VWF: variants seen among roughly 807,000 people sequenced by gnomAD.
VWF encodes von Willebrand factor, also known as Factor VIII related antigen.
A neutral mutation model predicts 308.6 loss-of-function variants in VWF; 176 were observed. The ratio of observed to expected loss-of-function variants is 0.57; its 90% confidence interval spans 0.50 to 0.65. VWF has a LOEUF of 0.65. Ranked by LOEUF, VWF falls within the 30% of genes least tolerant of loss-of-function variation. VWF has a pLI of 0.00. For missense variants in VWF, 3,146 were observed against 3,648.2 expected, an observed-to-expected ratio of 0.86 and a Z score of 3.55; for synonymous variants, 1,385 against 1,443.4, an observed-to-expected ratio of 0.96 and a Z score of 0.92.
At chr12:6,072,573 A>G in intron 8 of VWF, 131 bp from the exon 9 acceptor site, 1 of 749,672 alleles carries the variant, frequency 1.3e-6, no homozygotes, top group Non-Finnish European at 2.3e-6. Context: ...TGTGGTGTTT[A>G]TCTTTCACAT....
At chr12:6,088,431 A>G (rs1186433016) in intron 6 of VWF, among the ~76,000 whole-genome samples, 1 of 149,588 alleles carries the variant, frequency 6.7e-6, no homozygotes, top group African/African-American at 2.5e-5. Flanking sequence ...GTGAGCCAAG[A>G]TCGCACTACT....
rs753730726 is a variant in VWF, at chr12:5,983,147, T to C, written c.7081+3A>G. The C allele has an allele frequency of 5.6e-6, 9 of 1,613,060 alleles. No individual in the cohort carries two copies. Among genetic ancestry groups the C allele is most frequent in the African/African-American group, 1.3e-5 (1 of 74,878 alleles). Reference sequence around the variant, plus strand: ...CACCCCTCCTCATCCACAGAGGCCTTACCGCAGGTGAAGTTGGGTCTGCAC... The same window carrying C: ...CACCCCTCCTCATCCACAGAGGCCTCACCGCAGGTGAAGTTGGGTCTGCAC... On this transcript the variant is annotated splice_donor_region_variant and intron_variant, in intron 41 of 51. Coordinates refer to ENST00000261405, the MANE Select transcript of VWF (RefSeq NM_000552.5).
At chr12:6,080,758 A>C (rs7969518) in intron 6 of VWF, among the ~76,000 whole-genome samples, 14 of 151,972 alleles carry the variant, frequency 9.2e-5, no homozygotes, top group Non-Finnish European at 1.5e-4. Context: ...TCCAAACCCA[A>C]CCAAGCTCTC....
intron 3 of VWF, among the ~76,000 whole-genome samples, chr12:6,119,917 G>T (rs1945412224): frequency 6.6e-6 from 1 of 152,200 alleles, no homozygotes; most frequent in Non-Finnish European, 1.5e-5. Context: ...AGGAAACACA[G>T]ATGAGTGAGA....
chr12:5,965,758 G>A (rs1054724237), intron 47 of VWF, among the ~76,000 whole-genome samples: 1 of 152,170 alleles, frequency 6.6e-6, no homozygotes, highest in Non-Finnish European at 1.5e-5. Flanking sequence ...GAGACCCTTC[G>A]TGGCAGAAGA....
At chr12:6,016,379 G>A (rs773003346) in intron 30 of VWF, 137 bp downstream of exon 30, 392 of 1,421,720 alleles carry the variant, frequency 2.8e-4, no homozygotes, top group Non-Finnish European at 3.4e-4. Context: ...ACGTGGAAGA[G>A]CATCTAGCCC....
chr12:6,057,833 C>T lies in VWF; in HGVS notation c.1729+16G>A, dbSNP rs1170089226. ...AGATTCTGCGAGGTCCCTGCCTTGC[C>T]CCCGGGTTCACATACTCATGCGCGG... On this transcript the variant is annotated intron_variant, in intron 14 of 51. Coordinates refer to ENST00000261405, the MANE Select transcript of VWF (RefSeq NM_000552.5). 2.8e-5 allele frequency: 44 copies of T among 1,595,542 alleles called. No individual in the cohort carries two copies. The highest frequency in any genetic ancestry group is 3.8e-5 in the Non-Finnish European group (44 of 1,170,710).
Position 6,015,815 on chromosome 12 carries a change from A to T in VWF, c.5455+274T>A, listed in dbSNP as rs1420834667. 5.3e-5 allele frequency among the ~76,000 whole-genome samples: 8 copies of T among 152,242 alleles called. No individual in the cohort carries two copies. In the East Asian group the frequency reaches 1.3e-3, roughly 26 times the overall value. On this transcript the variant is annotated intron_variant, in intron 31 of 51. Coordinates refer to ENST00000261405, the MANE Select transcript of VWF (RefSeq NM_000552.5). ...CTTTAGAAAGAAAGGGCATAGAGGTATGATCACTCCTGGACACAAAGGGAA... is the reference window on the plus strand; with the variant it reads ...CTTTAGAAAGAAAGGGCATAGAGGTTTGATCACTCCTGGACACAAAGGGAA...
intron 15 of VWF, among the ~76,000 whole-genome samples, chr12:6,055,458 C>A (rs907574572): frequency 1.3e-5 from 2 of 152,156 alleles, no homozygotes; most frequent in African/African-American, 4.8e-5. Flanking sequence ...AGTAAGGACC[C>A]AGACCCAGTT....
chr12:6,089,748 A>G (rs774738274), intron 6 of VWF, among the ~76,000 whole-genome samples: 14 of 152,128 alleles, frequency 9.2e-5, no homozygotes, highest in African/African-American at 3.4e-4. Context: ...AAATAAAATG[A>G]GACCAAAAAT....
chr12:6,121,362 G>A, intron 2 of VWF, 24 bp from the exon 3 acceptor site: 1 of 1,612,476 alleles, frequency 6.2e-7, no homozygotes, highest in Non-Finnish European at 8.5e-7. Context: ...CCACAGGTTG[G>A]GCTGGTGATC....
At chr12:6,012,682 C>CGT (rs139765093) in intron 32 of VWF, among the ~76,000 whole-genome samples, 4,672 of 143,628 alleles carry the variant, frequency 0.033, 94 homozygotes, top group Non-Finnish European at 0.038. Flanking sequence ...ACAAAAAAAG[C>CGT]GTGTGTGTGT....
At chr12:6,111,038 C>A in intron 3 of VWF, 70 bp from the exon 4 acceptor site, 1 of 1,392,102 alleles carries the variant, frequency 7.2e-7, no homozygotes. Context: ...GATTAAGAAT[C>A]ATTATCTACG....
At chr12:6,002,064 T>C (rs1943878189) in intron 34 of VWF, among the ~76,000 whole-genome samples, 1 of 152,048 alleles carries the variant, frequency 6.6e-6, no homozygotes, top group Admixed American at 6.5e-5. Context: ...ATCAGACTCA[T>C]TGGGATACAT....
At chr12:5,951,756 G>T in intron 50 of VWF, 88 bp downstream of exon 50, 1 of 1,393,644 alleles carries the variant, frequency 7.2e-7, no homozygotes, top group Non-Finnish European at 1.0e-6. Context: ...CATGCGGCTT[G>T]CTAATGGGTT....
intron 17 of VWF, among the ~76,000 whole-genome samples, chr12:6,045,692 C>G (rs1944440112): frequency 1.3e-5 from 2 of 152,204 alleles, no homozygotes; most frequent in South Asian, 4.1e-4. Context: ...GAAGCAAACA[C>G]CATGGCACAG....
chr12:6,052,652 G>T lies in VWF; in HGVS notation c.2077C>A (p.Leu693Ile). 2 of 1,614,246 alleles carry T rather than the reference G, an allele frequency of 1.2e-6. No homozygotes were observed. The highest frequency in any genetic ancestry group is 1.7e-6 in the Non-Finnish European group (2 of 1,180,046). Residue 693 changes from leucine (L) to isoleucine (I), a missense_variant, in exon 16 of 52, where the codon CTC becomes ATC. This residue lies in a region of VWF where 1,304 missense variants were observed against 1,353.0 expected (regional missense o/e 0.96). Coordinates refer to ENST00000261405, the MANE Select transcript of VWF (RefSeq NM_000552.5). The part of the protein sequence containing the change: ...CLEGCFCPPG[L>I]YMDERGDCVP... ...CAGTCCCCCCTCTCATCCATGTAGA[G>T]CCCTGGGGGGCAGAAGCAGCCCTCC...
intron 16 of VWF, among the ~76,000 whole-genome samples, chr12:6,049,267 T>C (rs1482392485): frequency 1.6e-4 from 24 of 152,242 alleles, no homozygotes; most frequent in Admixed American, 1.4e-3. Flanking sequence ...ATTTTCTAAA[T>C]GAAGTGGAAA....
intron 16 of VWF, among the ~76,000 whole-genome samples, chr12:6,049,349 C>T (rs949152432): frequency 1.3e-5 from 2 of 152,146 alleles, no homozygotes; most frequent in African/African-American, 4.8e-5. Flanking sequence ...ATGGAGAGGT[C>T]GCTGATGTCA....
Sources: gnomAD v4.1 joint callset for allele counts (sites outside exome capture counted in the v4.1 genomes callset) on GRCh38, gnomAD v4.1.1 for gene constraint, gnomAD v4.1.1 regional missense constraint, MANE v1.5 for transcripts, NCBI Gene and HGNC (gene_info 2026-07-23, HGNC 2026-07-21) for gene names.